The following KIAA1549 variants were observed in gnomAD, a reference collection of about 807,000 sequenced individuals.
KIAA1549 encodes the protein UPF0606 protein KIAA1549.
KIAA1549 carries 70 observed loss-of-function variants against 156.4 expected under a neutral mutation model. That is an observed-to-expected ratio of 0.45 (90% confidence interval 0.37 to 0.55). The LOEUF (loss-of-function observed/expected upper bound fraction) is 0.55. Among genes scored for constraint, KIAA1549 ranks in the 20% least tolerant of loss-of-function variants. The pLI is 0.00. For synonymous variants in KIAA1549, 1,103 were observed against 1,066.4 expected, an observed-to-expected ratio of 1.03 and a Z score of -0.67; for missense variants, 2,428 against 2,540.9, an observed-to-expected ratio of 0.96 and a Z score of 0.96.
At chr7:138,858,608 T>A (rs564396588) in intron 16 of KIAA1549, among the ~76,000 whole-genome samples, 1 of 152,264 alleles carries the variant, frequency 6.6e-6, no homozygotes, top group East Asian at 1.9e-4. Context: ...TTTTGCCCCA[T>A]TACTGAGGCA....
At chr7:138,869,814 T>C in intron 13 of KIAA1549, 53 bp from the exon 14 acceptor site, 1 of 1,246,462 alleles carries the variant, frequency 8.0e-7, no homozygotes, top group Non-Finnish European at 1.1e-6. Context: ...GGGAAGCTTC[T>C]GGGACACACA....
Position 138,874,885 on chromosome 7 carries a change from C to T in KIAA1549, c.4346-3523G>A, listed in dbSNP as rs1038906617. 1.4e-4 allele frequency among the ~76,000 whole-genome samples: 21 copies of T among 152,058 alleles called. 1 individual carries two copies. The highest frequency in any genetic ancestry group is 2.2e-4 in the Non-Finnish European group (15 of 68,020). On this transcript the variant is annotated intron_variant, in intron 12 of 19. Coordinates refer to ENST00000422774, the MANE Select transcript of KIAA1549 (RefSeq NM_001164665.2). ...TGGTGTACACCTGTAGGCCCAGCTA[C>T]TCGGGAGGCTGAGAAGAGATGATCA...
At chr7:138,948,892 C>CA (rs1420952025) in intron 1 of KIAA1549, among the ~76,000 whole-genome samples, 1 of 151,894 alleles carries the variant, frequency 6.6e-6, no homozygotes, top group Non-Finnish European at 1.5e-5. Flanking sequence ...TTAGTAGAGA[C>CA]AGAGTTTCTC....
intron 18 of KIAA1549, among the ~76,000 whole-genome samples, chr7:138,843,620 T>C (rs1809985615): frequency 6.6e-6 from 1 of 152,228 alleles, no homozygotes; most frequent in Non-Finnish European, 1.5e-5. Flanking sequence ...CAAACATGTA[T>C]AATTTCTATA....
rs541859987 is a variant in KIAA1549, at chr7:138,877,247, AC to A, written c.4345+2290del. 8.5e-5 allele frequency among the ~76,000 whole-genome samples: 13 copies of A among 152,280 alleles called. No individual in the cohort carries two copies. In the South Asian group the frequency reaches 2.7e-3, roughly 32 times the overall value. On this transcript the variant is annotated intron_variant, in intron 12 of 19. Transcript: ENST00000422774. ...GGTGGCTCACGCCTGTAATCCCAGCACTTTGGGAGGCCGAGGTGGGCAGATC... is the reference window on the plus strand; with the variant it reads ...GGTGGCTCACGCCTGTAATCCCAGCATTTGGGAGGCCGAGGTGGGCAGATC...
At position 138,831,987 on chromosome 7, in the gene KIAA1549, AG is replaced by A; in HGVS notation, c.*5918del. On this transcript the variant is annotated 3_prime_UTR_variant, in exon 20 of 20. Transcript: ENST00000422774. Reference sequence around the variant, plus strand: ...CTTTCCCCACATTTGCAGGAGGAACAGTACAGCATATGCGACTTGAACTTGG... The same window carrying A: ...CTTTCCCCACATTTGCAGGAGGAACATACAGCATATGCGACTTGAACTTGG... The A allele has an allele frequency of 4.3e-6, 1 of 232,366 alleles. No homozygotes were observed. The highest frequency in any genetic ancestry group is 6.1e-5 in the East Asian group (1 of 16,484). 14.4% of individuals were successfully genotyped at this position (232,366 alleles called of 1,614,324 possible).
intron 14 of KIAA1549, 36 bp downstream of exon 14, chr7:138,869,502 G>T (rs925719772): frequency 2.0e-6 from 3 of 1,505,130 alleles, no homozygotes; most frequent in Non-Finnish European, 2.7e-6. Context: ...ACCTCTGCGC[G>T]CCCGCCCCAC....
chr7:138,925,066 C>T (rs1812674655), intron 1 of KIAA1549, among the ~76,000 whole-genome samples: 1 of 152,138 alleles, frequency 6.6e-6, no homozygotes, highest in South Asian at 2.1e-4. Context: ...TGGGAGCCTA[C>T]CAGGCACCTG....
rs1027617885 is a variant in KIAA1549, at chr7:138,916,622, C to T, written c.2878+126G>A. The T allele has an allele frequency of 1.5e-5, 22 of 1,452,008 alleles. No homozygotes were observed. The South Asian group carries it at 3.0e-4, about 20-fold the overall frequency. The allele number at this position is 1,452,008 out of a possible 1,614,324, so 89.9% of individuals were successfully genotyped here. On this transcript the variant is annotated intron_variant, in intron 2 of 19. Coordinates refer to ENST00000422774, the MANE Select transcript of KIAA1549 (RefSeq NM_001164665.2). Reference sequence around the variant, plus strand: ...GCAGGAGGTAAGCATAGGAGTACTACCTGGGAGTTAACTGAGCCCAGCGCC... The same window carrying T: ...GCAGGAGGTAAGCATAGGAGTACTATCTGGGAGTTAACTGAGCCCAGCGCC...
At chr7:138,902,257 G>A (rs1374011773) in intron 8 of KIAA1549, among the ~76,000 whole-genome samples, 3 of 152,090 alleles carry the variant, frequency 2.0e-5, no homozygotes, top group Non-Finnish European at 4.4e-5. Flanking sequence ...TGGTAAAAGG[G>A]CTAGAGGACG....
Position 138,955,680 on chromosome 7 carries a change from A to C in KIAA1549, c.187+25403T>G, listed in dbSNP as rs56228664. Reference sequence around the variant, plus strand: ...ATGAAAAAAGTAAAGTCTCATATACATATTTTGAAACACTAGGAAGATGCA... The same window carrying C: ...ATGAAAAAAGTAAAGTCTCATATACCTATTTTGAAACACTAGGAAGATGCA... On this transcript the variant is annotated intron_variant, in intron 1 of 19. Transcript: ENST00000422774. 3.3e-3 allele frequency among the ~76,000 whole-genome samples: 508 copies of C among 152,360 alleles called. 5 individuals are homozygous for C. Among genetic ancestry groups the C allele is most frequent in the African/African-American group, 0.012 (482 of 41,582 alleles).
At chr7:138,846,252 T>G (rs965971259) in intron 17 of KIAA1549, among the ~76,000 whole-genome samples, 1 of 152,136 alleles carries the variant, frequency 6.6e-6, no homozygotes. Context: ...CGAGCAGTTT[T>G]GGCCGGGTGC....
chr7:138,907,102 T>A lies in KIAA1549; in HGVS notation c.3277A>T (p.Ile1093Phe), dbSNP rs1184294789. The part of the protein sequence containing the change: ...HQGTYNLTVQ[I>F]LNITISSSRV... Reference sequence around the variant, plus strand: ...GAGGAACTGATGGTGATATTCAAGATCTGAAAGAATAAAGTCAGAATAAGC... The same window carrying A: ...GAGGAACTGATGGTGATATTCAAGAACTGAAAGAATAAAGTCAGAATAAGC... The change falls in exon 6 of 20, where the codon ATC (isoleucine) becomes TTC (phenylalanine). Residue 1093 changes from isoleucine (I) to phenylalanine (F), a missense_variant and splice_region_variant. By Grantham distance (21) the Ile-to-Phe change is conservative. Transcript: ENST00000422774. The A allele has an allele frequency of 3.2e-6, 5 of 1,575,694 alleles. No individual in the cohort carries two copies. The East Asian group carries it at 1.1e-4, about 36-fold the overall frequency.
At chr7:138,902,086 T>C (rs1250173635) in intron 8 of KIAA1549, among the ~76,000 whole-genome samples, 1 of 152,222 alleles carries the variant, frequency 6.6e-6, no homozygotes, top group Non-Finnish European at 1.5e-5. Flanking sequence ...CATTCTAATT[T>C]TTATTCTTTG....
At chr7:138,843,358 G>C (rs1406844067) in intron 18 of KIAA1549, among the ~76,000 whole-genome samples, 1 of 152,040 alleles carries the variant, frequency 6.6e-6, no homozygotes, top group Non-Finnish European at 1.5e-5. Flanking sequence ...ATCTTTTCAG[G>C]TTGGCCCACT....
chr7:138,979,663 TCTC>T (rs1455622048), intron 1 of KIAA1549, among the ~76,000 whole-genome samples: 3 of 152,196 alleles, frequency 2.0e-5, no homozygotes, highest in Non-Finnish European at 4.4e-5. Flanking sequence ...AATGATCTCT[TCTC>T]CTCTGGACAC....
At chr7:138,858,081 T>A (rs1810443478) in intron 16 of KIAA1549, among the ~76,000 whole-genome samples, 1 of 152,162 alleles carries the variant, frequency 6.6e-6, no homozygotes, top group Admixed American at 6.5e-5. Flanking sequence ...CTGTTTCTAA[T>A]TTTCCCCATC....
chr7:138,869,772 G>A lies in KIAA1549; in HGVS notation c.4552-11C>T. 1.2e-6 allele frequency: 2 copies of A among 1,600,888 alleles called. No individual in the cohort carries two copies. The highest frequency in any genetic ancestry group is 1.7e-6 in the Non-Finnish European group (2 of 1,174,288). Reference sequence around the variant, plus strand: ...CAGCGCGGTCTGAATCTGAGGAAGGGTGAGGGAGAGAAAGACAGCCATAGA... The same window carrying A: ...CAGCGCGGTCTGAATCTGAGGAAGGATGAGGGAGAGAAAGACAGCCATAGA... On this transcript the variant is annotated splice_polypyrimidine_tract_variant and intron_variant, in intron 13 of 19. Transcript: ENST00000422774.
At chr7:138,930,464 C>A (rs1304998121) in intron 1 of KIAA1549, among the ~76,000 whole-genome samples, 1 of 152,246 alleles carries the variant, frequency 6.6e-6, no homozygotes, top group Non-Finnish European at 1.5e-5. Context: ...GCTGCTTCAT[C>A]CACACTGAAA....
Sources: gnomAD v4.1 joint callset for allele counts (sites outside exome capture counted in the v4.1 genomes callset) on GRCh38, gnomAD v4.1.1 for gene constraint, MANE v1.5 for transcripts, NCBI Gene and HGNC (gene_info 2026-07-23, HGNC 2026-07-21) for gene names.